Variants in ATRNL1 observed in about 807,000 individuals in gnomAD.
ATRNL1 encodes the protein attractin-like protein 1.
ATRNL1 carries 95 observed loss-of-function variants against 182.7 expected under a neutral mutation model. The observed-to-expected ratio is 0.52, with a 90% CI of 0.44 to 0.62. The LOEUF is 0.62. Among genes scored for constraint, ATRNL1 ranks in the 20% least tolerant of loss-of-function variants. The pLI, the probability that ATRNL1 is intolerant of heterozygous loss-of-function variation, is 0.00. For synonymous variants in ATRNL1, 576 were observed against 568.3 expected (o/e 1.01, Z -0.19); for missense variants, 1,471 against 1,679.5 (o/e 0.88, Z 2.17).
intron 27 of ATRNL1, among the ~76,000 whole-genome samples, chr10:115,747,714 G>A (rs949209567): frequency 6.6e-6 from 1 of 151,890 alleles, no homozygotes; most frequent in Admixed American, 6.6e-5. Flanking sequence ...TATTCCATCT[G>A]GACTGCTACA....
intron 21 of ATRNL1, among the ~76,000 whole-genome samples, chr10:115,453,705 C>G (rs1592680827): frequency 6.7e-6 from 1 of 150,314 alleles, no homozygotes; most frequent in Admixed American, 6.7e-5. Context: ...GGACAAAAAA[C>G]CAAACACTGC....
At chr10:115,550,159 G>A (rs1266583499) in intron 26 of ATRNL1, among the ~76,000 whole-genome samples, 1 of 151,726 alleles carries the variant, frequency 6.6e-6, no homozygotes, top group African/African-American at 2.4e-5. Context: ...AAGGAACGAA[G>A]AAACAAAATC....
chr10:115,649,104 T>G (rs1392251380), intron 26 of ATRNL1, among the ~76,000 whole-genome samples: 1 of 152,198 alleles, frequency 6.6e-6, no homozygotes, highest in Non-Finnish European at 1.5e-5. Context: ...GATATTTGAG[T>G]GACATAAATT....
intron 24 of ATRNL1, among the ~76,000 whole-genome samples, chr10:115,507,935 G>A (rs1850196289): frequency 2.6e-5 from 4 of 152,022 alleles, no homozygotes; most frequent in Non-Finnish European, 5.9e-5. Flanking sequence ...TTTTGAAACT[G>A]CTGGTATAGG....
intron 21 of ATRNL1, among the ~76,000 whole-genome samples, chr10:115,454,953 G>A (rs1398732250): frequency 1.3e-5 from 2 of 152,116 alleles, no homozygotes; most frequent in Non-Finnish European, 2.9e-5. Context: ...AATGGTGAGA[G>A]TGGACATCCC....
At chr10:115,262,891 G>T (rs2133873713) in intron 10 of ATRNL1, among the ~76,000 whole-genome samples, 1 of 152,018 alleles carries the variant, frequency 6.6e-6, no homozygotes, top group South Asian at 2.1e-4. Context: ...AAAACAAGAG[G>T]AACTGTTGTA....
At chr10:115,270,217 C>T (rs1225171509) in intron 13 of ATRNL1, among the ~76,000 whole-genome samples, 1 of 143,174 alleles carries the variant, frequency 7.0e-6, no homozygotes, top group African/African-American at 2.7e-5. Context: ...TATATATACA[C>T]ACATACACAG....
intron 1 of ATRNL1, among the ~76,000 whole-genome samples, chr10:115,106,586 G>T (rs1305594707): frequency 6.6e-6 from 1 of 152,176 alleles, no homozygotes; most frequent in Non-Finnish European, 1.5e-5. Context: ...TACCCAGCGG[G>T]AGGTAATTGA....
At chr10:115,810,452 C>T (rs1034767715) in intron 27 of ATRNL1, among the ~76,000 whole-genome samples, 1 of 151,968 alleles carries the variant, frequency 6.6e-6, no homozygotes, top group South Asian at 2.1e-4. Flanking sequence ...ATGACAAATT[C>T]TTTTATTTTT....
rs117649385 is a variant in ATRNL1, at chr10:115,130,842, C to G, written c.829+1307C>G. ...GCTCATATACACAGTATTTTTCAAACTGGTCTTCAATTGCTATTAGTCTCC... is the reference window on the plus strand; with the variant it reads ...GCTCATATACACAGTATTTTTCAAAGTGGTCTTCAATTGCTATTAGTCTCC... On this transcript the variant is annotated intron_variant, in intron 5 of 28. Coordinates refer to ENST00000355044, the MANE Select transcript of ATRNL1 (RefSeq NM_207303.4). 1.4e-4 allele frequency among the ~76,000 whole-genome samples: 22 copies of G among 152,148 alleles called. No homozygotes were observed. The East Asian group carries it at 3.9e-3, about 27-fold the overall frequency.
intron 27 of ATRNL1, among the ~76,000 whole-genome samples, chr10:115,768,787 ATAATAC>A (rs1321580568): frequency 6.6e-6 from 1 of 152,142 alleles, no homozygotes; most frequent in Non-Finnish European, 1.5e-5. Flanking sequence ...TTAAAGGAAT[ATAATAC>A]TATTCTATTA....
chr10:115,235,082 A>T (rs1391441659), intron 9 of ATRNL1, among the ~76,000 whole-genome samples: 2 of 152,086 alleles, frequency 1.3e-5, no homozygotes, highest in Non-Finnish European at 2.9e-5. Context: ...AATAGTCATG[A>T]TCTTTCATTT....
intron 26 of ATRNL1, among the ~76,000 whole-genome samples, chr10:115,690,577 C>T (rs782554003): frequency 3.9e-5 from 6 of 152,176 alleles, no homozygotes; most frequent in Non-Finnish European, 7.3e-5. Flanking sequence ...GACCAGAGTA[C>T]TGGGGACTAT....
intron 14 of ATRNL1, among the ~76,000 whole-genome samples, chr10:115,284,716 G>A (rs1263263372): frequency 6.6e-6 from 1 of 152,094 alleles, no homozygotes; most frequent in Non-Finnish European, 1.5e-5. Context: ...TTTTATAACG[G>A]CTATCTGTTG....
intron 21 of ATRNL1, among the ~76,000 whole-genome samples, chr10:115,456,899 C>T (rs558069853): frequency 1.4e-4 from 22 of 152,194 alleles, no homozygotes; most frequent in African/African-American, 5.1e-4. Context: ...GAGGGAGTGG[C>T]ATCCAGTGGC....
chr10:115,925,353 A>T (rs186635731), intron 28 of ATRNL1, among the ~76,000 whole-genome samples: 5 of 152,176 alleles, frequency 3.3e-5, no homozygotes, highest in African/African-American at 1.2e-4. Flanking sequence ...TGAATCAACT[A>T]GTGTGCAAAA....
At chr10:115,900,127 G>T (rs1341104957) in intron 28 of ATRNL1, among the ~76,000 whole-genome samples, 1 of 152,296 alleles carries the variant, frequency 6.6e-6, no homozygotes, top group African/African-American at 2.4e-5. Flanking sequence ...TCATGACATA[G>T]TTGGCATTGT....
intron 27 of ATRNL1, among the ~76,000 whole-genome samples, chr10:115,758,913 A>G (rs1423016714): frequency 6.6e-6 from 1 of 152,236 alleles, no homozygotes; most frequent in Non-Finnish European, 1.5e-5. Context: ...TTATTTTTGT[A>G]CTTTATAGAG....
At chr10:115,806,159 T>C (rs1486588389) in intron 27 of ATRNL1, among the ~76,000 whole-genome samples, 5 of 152,164 alleles carry the variant, frequency 3.3e-5, no homozygotes, top group African/African-American at 7.2e-5. Flanking sequence ...TGGATTCCTT[T>C]TACTTCTGAA....
Sources: gnomAD v4.1 joint callset for allele counts (sites outside exome capture counted in the v4.1 genomes callset) on GRCh38, gnomAD v4.1.1 for gene constraint, MANE v1.5 for transcripts, NCBI Gene and HGNC (gene_info 2026-07-23, HGNC 2026-07-21) for gene names.